PLPPR1: variants seen among roughly 807,000 people sequenced by gnomAD.
PLPPR1 encodes phospholipid phosphatase-related protein type 1.
PLPPR1 carries 10 observed loss-of-function variants against 33.1 expected under a neutral mutation model. The ratio of observed to expected loss-of-function variants is 0.30; its 90% confidence interval spans 0.19 to 0.51. The LOEUF (loss-of-function observed/expected upper bound fraction) is 0.51. PLPPR1 is among the 20% of genes least tolerant of loss of function. The pLI, the probability that PLPPR1 is intolerant of heterozygous loss-of-function variation, is 0.97. For synonymous variants in PLPPR1, 151 were observed against 151.0 expected (o/e 1.00, Z 0.00); for missense variants, 304 against 408.1 (o/e 0.74, Z 2.20).
intron 5 of PLPPR1, 52 bp downstream of exon 5, chr9:101,309,513 G>A (rs1323430762): frequency 6.3e-7 from 1 of 1,585,806 alleles, no homozygotes; most frequent in Non-Finnish European, 8.6e-7. Context: ...TAGGATGTGT[G>A]TCTCCCTGCC....
At chr9:101,064,126 C>T (rs116442484) in intron 1 of PLPPR1, among the ~76,000 whole-genome samples, 1,845 of 152,182 alleles carry the variant, frequency 0.012, 38 homozygotes, top group African/African-American at 0.043. Context: ...GTCAGTGCAT[C>T]ATTATTACCC....
chr9:101,223,839 C>A (rs1827004450), intron 2 of PLPPR1, among the ~76,000 whole-genome samples: 1 of 151,988 alleles, frequency 6.6e-6, no homozygotes, highest in South Asian at 2.1e-4. Context: ...TGAGAACAAA[C>A]CAATACAAAT....
chr9:101,198,098 T>C (rs1424994231), intron 2 of PLPPR1, among the ~76,000 whole-genome samples: 3 of 152,208 alleles, frequency 2.0e-5, no homozygotes, highest in Non-Finnish European at 4.4e-5. Flanking sequence ...TTGTTCATTA[T>C]GTAAAATAGT....
chr9:101,035,482 C>T (rs1214686203), intron 1 of PLPPR1, among the ~76,000 whole-genome samples: 1 of 152,144 alleles, frequency 6.6e-6, no homozygotes, highest in Non-Finnish European at 1.5e-5. Flanking sequence ...AGGCCTTTCG[C>T]CATGCTGTTC....
chr9:101,256,877 T>A (rs1254420370), intron 2 of PLPPR1, among the ~76,000 whole-genome samples: 3 of 152,256 alleles, frequency 2.0e-5, no homozygotes, highest in African/African-American at 7.2e-5. Flanking sequence ...AAGGCTTTTA[T>A]TAAATTTGAT....
chr9:101,132,878 A>AT (rs1831329243), intron 1 of PLPPR1, among the ~76,000 whole-genome samples: 1 of 152,126 alleles, frequency 6.6e-6, no homozygotes, highest in African/African-American at 2.4e-5. Flanking sequence ...ACTTAAGTGG[A>AT]CTTTTTCATC....
At chr9:101,237,537 T>G (rs1827327477) in intron 2 of PLPPR1, among the ~76,000 whole-genome samples, 1 of 150,512 alleles carries the variant, frequency 6.6e-6, no homozygotes, top group Middle Eastern at 3.2e-3. Flanking sequence ...CTGATTTAAG[T>G]CTCTTTGGAG....
chr9:101,186,496 G>C (rs1314820157), intron 2 of PLPPR1, among the ~76,000 whole-genome samples: 1 of 151,814 alleles, frequency 6.6e-6, no homozygotes, highest in Non-Finnish European at 1.5e-5. Flanking sequence ...TGGGAGAAAT[G>C]TGTGTTGATC....
chr9:101,051,520 A>G (rs1830222999), intron 1 of PLPPR1, among the ~76,000 whole-genome samples: 3 of 152,112 alleles, frequency 2.0e-5, no homozygotes. Context: ...TCCTGCTCCC[A>G]TGTCTTAGAC....
chr9:101,322,956 C>G (rs1377216342), intron 7 of PLPPR1, among the ~76,000 whole-genome samples: 1 of 152,106 alleles, frequency 6.6e-6, no homozygotes, highest in Non-Finnish European at 1.5e-5. Context: ...CACATTTTCT[C>G]TAGCCAAAAA....
chr9:101,054,019 A>G (rs971302755), intron 1 of PLPPR1, among the ~76,000 whole-genome samples: 2 of 152,120 alleles, frequency 1.3e-5, no homozygotes, highest in African/African-American at 4.8e-5. Context: ...CCCCGTCTCT[A>G]CTAAAAATAC....
intron 2 of PLPPR1, among the ~76,000 whole-genome samples, chr9:101,229,347 GC>G (rs1379453900): frequency 3.3e-5 from 5 of 152,030 alleles, no homozygotes; most frequent in Non-Finnish European, 5.9e-5. Flanking sequence ...GTACCCTGTA[GC>G]CAATTTTGGG....
At chr9:101,156,642 G>A (rs1831696855) in intron 1 of PLPPR1, among the ~76,000 whole-genome samples, 1 of 149,346 alleles carries the variant, frequency 6.7e-6, no homozygotes, top group African/African-American at 2.5e-5. Flanking sequence ...GCTACATACG[G>A]TAAAATAGTT....
intron 1 of PLPPR1, among the ~76,000 whole-genome samples, chr9:101,166,156 A>G (rs902289779): frequency 3.9e-5 from 6 of 152,166 alleles, no homozygotes; most frequent in Admixed American, 3.3e-4. Flanking sequence ...CTGCACGTCC[A>G]CATTGCCTGG....
intron 2 of PLPPR1, 54 bp from the exon 3 acceptor site, chr9:101,269,826 A>AG (rs1400120917): frequency 1.3e-6 from 2 of 1,571,516 alleles, no homozygotes; most frequent in Non-Finnish European, 1.7e-6. Flanking sequence ...CTGAGGGGCA[A>AG]GGGCTGCTCC....
chr9:101,237,259 G>A (rs1163661971), intron 2 of PLPPR1, among the ~76,000 whole-genome samples: 1 of 151,736 alleles, frequency 6.6e-6, no homozygotes, highest in Non-Finnish European at 1.5e-5. Context: ...AAAACACAAT[G>A]GAGATTTCCC....
intron 7 of PLPPR1, among the ~76,000 whole-genome samples, chr9:101,319,136 G>A (rs1488661589): frequency 2.0e-5 from 3 of 152,054 alleles, no homozygotes; most frequent in Admixed American, 6.6e-5. Context: ...ACTATTTAAC[G>A]ATTATTAACT....
intron 3 of PLPPR1, among the ~76,000 whole-genome samples, chr9:101,270,512 C>T (rs547356422): frequency 2.0e-5 from 3 of 152,254 alleles, no homozygotes; most frequent in South Asian, 2.1e-4. Flanking sequence ...ATTGAACTTC[C>T]GTAGACACCA....
chr9:101,288,763 C>T (rs892544058), intron 4 of PLPPR1, among the ~76,000 whole-genome samples: 42 of 152,188 alleles, frequency 2.8e-4, no homozygotes, highest in Admixed American at 5.2e-4. Flanking sequence ...TTTGTGTTTT[C>T]GCAAGTCATC....
Sources: allele counts gnomAD v4.1 joint callset (sites outside exome capture counted in the v4.1 genomes callset), GRCh38; gene constraint gnomAD v4.1.1; transcripts MANE v1.5; gene names NCBI Gene and HGNC (gene_info 2026-07-23, HGNC 2026-07-21).